RBPMS: variants seen among roughly 807,000 people sequenced by gnomAD.
RBPMS encodes the protein RNA binding protein, mRNA processing factor, also known as RNA-binding protein with multiple splicing.
In RBPMS, 7 loss-of-function variants were observed where a neutral mutation model predicts 26.8. The observed-to-expected ratio is 0.26, with a 90% CI of 0.15 to 0.49. The LOEUF (loss-of-function observed/expected upper bound fraction) is 0.49. Ranked by LOEUF, RBPMS falls within the 20% of genes least tolerant of loss-of-function variation. The pLI is 0.98. For missense variants in RBPMS, 186 were observed against 250.0 expected, an observed-to-expected ratio of 0.74 and a Z score of 1.73; for synonymous variants, 96 against 93.3, an observed-to-expected ratio of 1.03 and a Z score of -0.17.
At chr8:30,554,950 C>T (rs954039729) in intron 6 of RBPMS, among the ~76,000 whole-genome samples, 2 of 152,208 alleles carry the variant, frequency 1.3e-5, no homozygotes, top group Non-Finnish European at 2.9e-5. Flanking sequence ...TCACTCACCA[C>T]TGCAGAAGGG....
intron 5 of RBPMS, among the ~76,000 whole-genome samples, chr8:30,531,131 T>C (rs938948570): frequency 1.3e-5 from 2 of 151,990 alleles, no homozygotes; most frequent in African/African-American, 2.4e-5. Context: ...GTATTTCCCG[T>C]CCCCTAATTA....
intron 5 of RBPMS, among the ~76,000 whole-genome samples, chr8:30,510,878 A>G (rs1256558100): frequency 6.6e-6 from 1 of 150,828 alleles, no homozygotes; most frequent in Non-Finnish European, 1.5e-5. Flanking sequence ...CTTCTTTTTG[A>G]AGTAGCCCAT....
At chr8:30,514,704 A>G (rs1422385215) in intron 5 of RBPMS, among the ~76,000 whole-genome samples, 1 of 16,894 alleles carries the variant, frequency 5.9e-5, no homozygotes, top group Non-Finnish European at 1.5e-4. Flanking sequence ...TTTTTTTTTT[A>G]ATGTAGAGGC....
intron 5 of RBPMS, among the ~76,000 whole-genome samples, chr8:30,535,852 G>C (rs890556937): frequency 3.3e-5 from 5 of 152,164 alleles, no homozygotes; most frequent in Admixed American, 6.5e-5. Flanking sequence ...CTGAAAGCTT[G>C]GCAAGGTTAT....
intron 5 of RBPMS, among the ~76,000 whole-genome samples, chr8:30,539,962 G>T (rs769593903): frequency 2.6e-5 from 4 of 152,156 alleles, no homozygotes; most frequent in Non-Finnish European, 5.9e-5. Flanking sequence ...TTATAATATG[G>T]TGGTAGACAC....
At chr8:30,452,115 A>G (rs1413434681) in intron 1 of RBPMS, among the ~76,000 whole-genome samples, 1 of 152,188 alleles carries the variant, frequency 6.6e-6, no homozygotes, top group Non-Finnish European at 1.5e-5. Context: ...TGTGTCTGAG[A>G]GATCATCAGT....
In RBPMS at chr8:30,385,046, G is replaced by T; in HGVS notation, c.-47G>T. ...CAGTGGGCTAGCGCGCCCTCGCCCAGCCCCGCGCCCCAGCCCTGCCCGGCC... is the reference window on the plus strand; with the variant it reads ...CAGTGGGCTAGCGCGCCCTCGCCCATCCCCGCGCCCCAGCCCTGCCCGGCC... On this transcript the variant is annotated 5_prime_UTR_variant, in exon 1 of 9. Transcript: ENST00000397323. The T allele has an allele frequency of 1.4e-6, 2 of 1,451,968 alleles. No homozygotes were observed. The highest frequency in any genetic ancestry group is 1.8e-6 in the Non-Finnish European group (2 of 1,090,646). The allele number at this position is 1,451,968 out of a possible 1,614,324, so 89.9% of individuals were successfully genotyped here.
At chr8:30,435,715 AG>A (rs1812379842) in intron 1 of RBPMS, among the ~76,000 whole-genome samples, 1 of 152,330 alleles carries the variant, frequency 6.6e-6, no homozygotes, top group East Asian at 1.9e-4. Flanking sequence ...TGGAGTGATG[AG>A]TTAGGGAAGA....
intron 4 of RBPMS, among the ~76,000 whole-genome samples, chr8:30,490,632 T>G (rs1819287068): frequency 1.3e-5 from 2 of 152,168 alleles, no homozygotes; most frequent in Admixed American, 6.5e-5. Context: ...GCTAATTTTT[T>G]GTATATTTGG....
intron 5 of RBPMS, among the ~76,000 whole-genome samples, chr8:30,519,488 T>C (rs1016302781): frequency 1.6e-4 from 4 of 25,572 alleles, no homozygotes; most frequent in East Asian, 1.2e-3. Flanking sequence ...TTTTTTTTTT[T>C]TTTTTTTTTT....
At chr8:30,465,596 G>A (rs1816408774) in intron 1 of RBPMS, among the ~76,000 whole-genome samples, 1 of 152,166 alleles carries the variant, frequency 6.6e-6, no homozygotes. Context: ...AGACCAGCCT[G>A]GCCAACATGG....
chr8:30,420,342 A>C (rs1388586961), intron 1 of RBPMS, among the ~76,000 whole-genome samples: 2 of 152,222 alleles, frequency 1.3e-5, no homozygotes, highest in Admixed American at 1.3e-4. Flanking sequence ...AATTCTGATA[A>C]AAATTCCCAA....
intron 1 of RBPMS, among the ~76,000 whole-genome samples, chr8:30,409,847 G>A (rs546373359): frequency 7.3e-5 from 11 of 151,660 alleles, no homozygotes; most frequent in African/African-American, 2.7e-4. Flanking sequence ...TGGCCAGGCT[G>A]GTCTCGATCT....
intron 5 of RBPMS, among the ~76,000 whole-genome samples, chr8:30,521,737 A>C (rs1013710681): frequency 2.0e-5 from 3 of 152,068 alleles, no homozygotes; most frequent in Non-Finnish European, 4.4e-5. Flanking sequence ...ATTCCAATTC[A>C]TGTATACACC....
chr8:30,504,200 G>T, intron 4 of RBPMS, 86 bp from the exon 5 acceptor site: 1 of 1,397,030 alleles, frequency 7.2e-7, no homozygotes, highest in Non-Finnish European at 1.0e-6. Context: ...GATAGACCAG[G>T]GTTTACTGGT....
At chr8:30,492,068 T>G (rs550813243) in intron 4 of RBPMS, among the ~76,000 whole-genome samples, 1 of 152,310 alleles carries the variant, frequency 6.6e-6, no homozygotes, top group African/African-American at 2.4e-5. Flanking sequence ...ATTTTTGTAT[T>G]TTTATTAGAG....
At chr8:30,453,491 TTGTG>T (rs1252887847) in intron 1 of RBPMS, among the ~76,000 whole-genome samples, 3 of 152,172 alleles carry the variant, frequency 2.0e-5, no homozygotes, top group Non-Finnish European at 4.4e-5. Flanking sequence ...TTCTTGGAAA[TTGTG>T]GGGGTGTCTC....
intron 1 of RBPMS, among the ~76,000 whole-genome samples, chr8:30,418,650 C>T (rs1810378580): frequency 6.6e-6 from 1 of 152,102 alleles, no homozygotes; most frequent in Non-Finnish European, 1.5e-5. Context: ...GTGATCTTGT[C>T]TCACTGCAAC....
chr8:30,393,546 G>T (rs1038688199), intron 1 of RBPMS, among the ~76,000 whole-genome samples: 2 of 150,926 alleles, frequency 1.3e-5, no homozygotes, highest in East Asian at 1.9e-4. Flanking sequence ...TCTTTGAGAC[G>T]GAGTCTTGCG....
Sources: allele counts gnomAD v4.1 joint callset (sites outside exome capture counted in the v4.1 genomes callset), GRCh38; gene constraint gnomAD v4.1.1; transcripts MANE v1.5; gene names NCBI Gene and HGNC (gene_info 2026-07-23, HGNC 2026-07-21).